ARNT: variants seen among roughly 807,000 people sequenced by gnomAD.
ARNT encodes the protein aryl hydrocarbon receptor nuclear translocator.
A neutral mutation model predicts 105.0 loss-of-function variants in ARNT; 30 were observed. The ratio of observed to expected loss-of-function variants is 0.29; its 90% CI spans 0.21 to 0.39. The LOEUF (loss-of-function observed/expected upper bound fraction) is 0.39, where lower values mean the gene tolerates loss of function less well. Among genes scored for constraint, ARNT ranks in the 10% least tolerant of loss-of-function variants. ARNT has a pLI of 1.00. For synonymous variants in ARNT, 304 were observed against 344.0 expected, an observed-to-expected ratio of 0.88 and a Z score of 1.29; for missense variants, 748 against 978.7, an observed-to-expected ratio of 0.76 and a Z score of 3.15.
At chr1:150,835,015 C>A (rs1446850662) in intron 7 of ARNT, among the ~76,000 whole-genome samples, 1 of 151,732 alleles carries the variant, frequency 6.6e-6, no homozygotes, top group African/African-American at 2.4e-5. Flanking sequence ...GTAGTCCCAG[C>A]TAATCAGGAG....
chr1:150,866,738 G>T (rs1434661043), intron 1 of ARNT, among the ~76,000 whole-genome samples: 3 of 152,018 alleles, frequency 2.0e-5, no homozygotes, highest in African/African-American at 7.2e-5. Context: ...GACCTGAGAA[G>T]AGTTAATAAC....
intron 3 of ARNT, 22 bp from the exon 4 acceptor site, chr1:150,846,329 G>A (rs1571359406): frequency 6.2e-7 from 1 of 1,612,408 alleles, no homozygotes; most frequent in African/African-American, 1.3e-5. Flanking sequence ...AAAAAGGATT[G>A]TTTCAAAGCA....
chr1:150,813,072 C>A (rs1027444624), intron 21 of ARNT, 100 bp downstream of exon 21: 3 of 1,369,464 alleles, frequency 2.2e-6, no homozygotes, highest in Admixed American at 4.3e-5. Flanking sequence ...TACCCCCAAC[C>A]AAACACCTCA....
rs776388663 is a variant in ARNT, at chr1:150,817,946, C to T, written c.1479G>A (p.Glu493=). ...QLGPTANLPL[E]MGSGQLAPRQ... ...TGGGTGCCAGCTGTCCTGAGCCCAT[C>T]TCCAGGGGTAAATTAGCTGTGGGAC... The change falls in exon 15 of 22, where the codon GAG becomes GAA. Residue 493 remains glutamate, a synonymous_variant. Coordinates refer to ENST00000358595, the MANE Select transcript of ARNT (RefSeq NM_001668.4). 1.2e-6 allele frequency: 2 copies of T among 1,613,494 alleles called. No homozygotes were observed. Among genetic ancestry groups the T allele is most frequent in the African/African-American group, 2.7e-5 (2 of 74,872 alleles).
At chr1:150,862,577 TAA>T (rs36093809) in intron 1 of ARNT, among the ~76,000 whole-genome samples, 4 of 148,968 alleles carry the variant, frequency 2.7e-5, no homozygotes, top group South Asian at 2.1e-4. Context: ...CTTTTTCCAT[TAA>T]AAAAAAAAGT....
chr1:150,847,310 A>G (rs1229135232), intron 3 of ARNT, among the ~76,000 whole-genome samples: 2 of 151,352 alleles, frequency 1.3e-5, no homozygotes, highest in Admixed American at 6.6e-5. Context: ...ACGTGCTTAT[A>G]GTCCCAGCTA....
At chr1:150,825,845 TAA>T (rs138981555) in intron 13 of ARNT, among the ~76,000 whole-genome samples, 50 of 139,614 alleles carry the variant, frequency 3.6e-4, no homozygotes, top group Non-Finnish European at 5.0e-4. Context: ...AGACTCCTTC[TAA>T]AAAAAAAAAA....
At chr1:150,838,446 G>C (rs1660691668) in intron 6 of ARNT, among the ~76,000 whole-genome samples, 1 of 152,148 alleles carries the variant, frequency 6.6e-6, no homozygotes, top group African/African-American at 2.4e-5. Flanking sequence ...GCCCACAAAA[G>C]GTGCATAACT....
chr1:150,861,125 T>G (rs191183285), intron 1 of ARNT: 82 of 170,084 alleles, frequency 4.8e-4, no homozygotes, highest in Non-Finnish European at 8.2e-4. Context: ...TTGGCAAGGA[T>G]GTGGAGAAAT....
intron 2 of ARNT, among the ~76,000 whole-genome samples, chr1:150,855,901 T>C (rs1283858086): frequency 6.6e-6 from 1 of 151,948 alleles, no homozygotes; most frequent in Non-Finnish European, 1.5e-5. Flanking sequence ...CAAGACTCTG[T>C]CTCCGAAATG....
chr1:150,837,966 T>C (rs1397943387), intron 6 of ARNT, among the ~76,000 whole-genome samples: 1 of 152,212 alleles, frequency 6.6e-6, no homozygotes, highest in Non-Finnish European at 1.5e-5. Context: ...AATTCAGTTT[T>C]ATCGATTCTA....
At chr1:150,816,048 A>G (rs1219468435) in intron 19 of ARNT, among the ~76,000 whole-genome samples, 1 of 152,158 alleles carries the variant, frequency 6.6e-6, no homozygotes. Flanking sequence ...AGCAATTCTG[A>G]TTTAAGGTGA....
At chr1:150,869,431 C>A (rs950543597) in intron 1 of ARNT, among the ~76,000 whole-genome samples, 1 of 151,864 alleles carries the variant, frequency 6.6e-6, no homozygotes, top group Non-Finnish European at 1.5e-5. Flanking sequence ...GAGCTGAGAT[C>A]GTGCCACTGC....
At chr1:150,854,686 G>A (rs1460631731) in intron 2 of ARNT, among the ~76,000 whole-genome samples, 2 of 151,784 alleles carry the variant, frequency 1.3e-5, no homozygotes, top group African/African-American at 4.8e-5. Flanking sequence ...GTGAAACCTC[G>A]TCTCTACTAA....
At chr1:150,812,132 G>A (rs372659212) in intron 21 of ARNT, 22 bp from the exon 22 acceptor site, 1 of 1,536,846 alleles carries the variant, frequency 6.5e-7, no homozygotes, top group Non-Finnish European at 8.8e-7. Context: ...AAAAGATTAA[G>A]TTTGGGTCAC....
In ARNT at chr1:150,831,830, A is replaced by T; in HGVS notation, c.943T>A (p.Trp315Arg). The T allele has an allele frequency of 6.2e-7, 1 of 1,607,246 alleles. No individual in the cohort carries two copies. Among genetic ancestry groups the T allele is most frequent in the Non-Finnish European group, 8.5e-7 (1 of 1,177,778 alleles). Residue 315 changes from tryptophan to arginine, a missense_variant, in exon 10 of 22, where the codon TGG (tryptophan) becomes AGG (arginine). By Grantham distance (101) the Trp-to-Arg change is moderately radical (BLOSUM62 -3). Around this residue, in one of 4 missense-constraint regions of ARNT, gnomAD observed 291 missense variants for 444.6 expected, o/e 0.65. Transcript: ENST00000358595. Reference sequence around the variant, plus strand: ...TTCACTTTCTTACCTGCTGGGGGCCAGGCCTTGATGTAGCCTGTGCAGTGG... The same window carrying T: ...TTCACTTTCTTACCTGCTGGGGGCCTGGCCTTGATGTAGCCTGTGCAGTGG... ...VVHCTGYIKA[W>R]PPAGVSLPDD... is the part of the protein sequence containing the mutation.
intron 1 of ARNT, among the ~76,000 whole-genome samples, chr1:150,875,084 T>A (rs1668044431): frequency 6.6e-6 from 1 of 152,234 alleles, no homozygotes; most frequent in Admixed American, 6.5e-5. Flanking sequence ...ATAAGTATTT[T>A]GCAATGTGTG....
At position 150,873,150 on chromosome 1, in the gene ARNT, G is replaced by C. The variant is rs976690524; in HGVS notation, c.25+3393C>G. Among the ~76,000 whole-genome samples the C allele has an allele frequency of 7.2e-5, 11 of 151,964 alleles. No individual in the cohort carries two copies. In the South Asian group the frequency reaches 2.3e-3, roughly 32 times the overall value. On this transcript the variant is annotated intron_variant, in intron 1 of 21. Transcript: ENST00000358595. ...ATACAAAAAAAAAAATTAGCCGGGCGTGGTGGCGGGTACCTGTAGTCCCAG... is the reference window on the plus strand; with the variant it reads ...ATACAAAAAAAAAAATTAGCCGGGCCTGGTGGCGGGTACCTGTAGTCCCAG...
rs1253815230 is a variant in ARNT at position 150,851,084 on chromosome 1, C to G, written c.182+1678G>C. ...GTCTGAGAAGTGAGGAGCCCCTCCG[C>G]CCCGCAGCCGCCCCGTCCGGGAAGT... is the stretch of plus-strand genomic sequence containing the variant. On this transcript the variant is annotated intron_variant, in intron 3 of 21. Coordinates refer to ENST00000358595, the MANE Select transcript of ARNT (RefSeq NM_001668.4). Among the ~76,000 whole-genome samples the G allele has an allele frequency of 5.3e-5, 8 of 151,216 alleles. 1 individual carries two copies. The highest frequency in any genetic ancestry group is 1.9e-4 in the African/African-American group (8 of 41,086).
Sources: allele counts gnomAD v4.1 joint callset (sites outside exome capture counted in the v4.1 genomes callset), GRCh38; gene constraint gnomAD v4.1.1; regional missense constraint gnomAD v4.1.1; transcripts MANE v1.5; gene names NCBI Gene and HGNC (gene_info 2026-07-23, HGNC 2026-07-21).